OSBPL7: variants seen among roughly 807,000 people sequenced by gnomAD.
The protein encoded by OSBPL7 is oxysterol binding protein like 7.
OSBPL7 carries 66 observed loss-of-function variants against 115.8 expected under a neutral mutation model. The observed-to-expected ratio is 0.57, with a 90% CI of 0.47 to 0.70. The LOEUF is 0.70. Ranked by LOEUF, OSBPL7 falls within the 30% of genes least tolerant of loss-of-function variation. The pLI is 0.00. For missense variants in OSBPL7, 902 were observed against 1,125.5 expected, an observed-to-expected ratio of 0.80 and a Z score of 2.84; for synonymous variants, 441 against 439.2, an observed-to-expected ratio of 1.00 and a Z score of -0.05.
chr17:47,818,369 A>G lies in OSBPL7; in HGVS notation c.498T>C (p.Leu166=), dbSNP rs35328010. 5.9e-5 allele frequency: 95 copies of G among 1,613,826 alleles called. No individual in the cohort carries two copies. Among genetic ancestry groups the G allele is most frequent in the Non-Finnish European group, 5.8e-5 (69 of 1,179,914 alleles). The part of the protein sequence containing the change: ...TAHRKVPGAQ[L]PTAATASALP... The stretch of plus-strand genomic sequence containing the variant: ...GGGCTGAGGCAGTAGCTGCTGTTGG[A>G]AGCTGGGCACCAGGAACCTGTGGGG... Residue 166 remains leucine (L), a synonymous_variant, in exon 7 of 23, where the codon CTT becomes CTC. Coordinates refer to ENST00000007414, the MANE Select transcript of OSBPL7 (RefSeq NM_145798.3).
chr17:47,811,986 C>T (rs745517279), intron 16 of OSBPL7, among the ~76,000 whole-genome samples: 6 of 152,166 alleles, frequency 3.9e-5, no homozygotes, highest in South Asian at 2.1e-4. Context: ...TTCTGTTGTA[C>T]GCACGAGTGT....
chr17:47,813,149 C>T, intron 16 of OSBPL7, 117 bp downstream of exon 16: 2 of 1,399,184 alleles, frequency 1.4e-6, no homozygotes, highest in East Asian at 4.7e-5. Flanking sequence ...GGCACAGAGC[C>T]AACTGCCCAC....
At position 47,808,974 on chromosome 17, in the gene OSBPL7, G is replaced by A. The variant is rs1598010748; in HGVS notation, c.2187C>T (p.Asp729=). 1 of 1,614,030 alleles carries A rather than the reference G, an allele frequency of 6.2e-7. No homozygotes were observed. Among genetic ancestry groups the A allele is most frequent in the Non-Finnish European group, 8.5e-7 (1 of 1,180,036 alleles). Residue 729 remains aspartate, a synonymous_variant, in exon 21 of 23, where the codon GAC becomes GAT. Transcript: ENST00000007414. The surrounding 1 kb of genome is among the most constrained non-coding windows in gnomAD (Gnocchi z 6.1). ...GGGTGAAGCCGAAGTTTCGCTCATG[G>A]TCGGGGGGCATTGAGTCTGGGGGAA... ...CIWKPNSMPP[D]HERNFGFTQF...
intron 16 of OSBPL7, 127 bp downstream of exon 16, chr17:47,813,139 G>T (rs560615451): frequency 7.6e-7 from 1 of 1,310,864 alleles, no homozygotes; most frequent in South Asian, 1.4e-5. Flanking sequence ...CGCAGAGCCC[G>T]GCACAGAGCC....
chr17:47,810,868 C>T (rs745643622), intron 16 of OSBPL7, 33 bp from the exon 17 acceptor site: 2 of 1,603,978 alleles, frequency 1.2e-6, no homozygotes, highest in Admixed American at 3.4e-5. Flanking sequence ...TTGAGGCTGT[C>T]CCCGAGCACC....
intron 12 of OSBPL7, chr17:47,815,859 T>G (rs1255129047): frequency 7.0e-6 from 3 of 429,754 alleles, no homozygotes; most frequent in Admixed American, 4.0e-5. Context: ...GAGCCTCAGT[T>G]TTGTTATGCT....
At chr17:47,820,463 T>G in intron 1 of OSBPL7, 98 bp from the exon 2 acceptor site, 1 of 587,928 alleles carries the variant, frequency 1.7e-6, no homozygotes. Context: ...CTCCCCAACA[T>G]ACCCTCTGCT....
At chr17:47,817,588 A>G (rs945854796) in intron 7 of OSBPL7, among the ~76,000 whole-genome samples, 9 of 152,146 alleles carry the variant, frequency 5.9e-5, no homozygotes, top group African/African-American at 2.2e-4. Flanking sequence ...ATGGGGTTCC[A>G]CTATGTTGGT....
intron 1 of OSBPL7, among the ~76,000 whole-genome samples, chr17:47,821,226 C>T (rs732840): frequency 0.27 from 41,286 of 151,726 alleles, 6,948 homozygotes; most frequent in Non-Finnish European, 0.38. Context: ...ATGTGTGAGA[C>T]GGGGGAGGGG....
At chr17:47,810,914 A>C in intron 16 of OSBPL7, 79 bp from the exon 17 acceptor site, 1 of 1,371,468 alleles carries the variant, frequency 7.3e-7, no homozygotes, top group East Asian at 2.4e-5. Context: ...TCCCACCCCT[A>C]GTTCCCCTAA....
chr17:47,813,451 C>T, intron 15 of OSBPL7, 48 bp from the exon 16 acceptor site: 20 of 1,610,068 alleles, frequency 1.2e-5, no homozygotes, highest in Non-Finnish European at 1.7e-5. Context: ...GGGCCGCCAC[C>T]CCAAGCAAGC....
At position 47,808,271 on chromosome 17, in the gene OSBPL7, TCCTGC is replaced by T; in HGVS notation, c.*15_*19del. On this transcript the variant is annotated 3_prime_UTR_variant, in exon 23 of 23. Coordinates refer to ENST00000007414, the MANE Select transcript of OSBPL7 (RefSeq NM_145798.3). This position sits in a 1 kb window ranked among gnomAD's most constrained non-coding sequence, Gnocchi z 6.1. ...GCAGGAGGAGTGAGGAACCAGAGCC[TCCTGC>T]CCCCGGGGCCAGGGCTACCAGAGCA... 1 of 1,576,178 alleles carries T rather than the reference TCCTGC, an allele frequency of 6.3e-7. No homozygotes were observed. The highest frequency in any genetic ancestry group is 2.2e-5 in the East Asian group (1 of 44,676).
chr17:47,809,543 C>A, intron 18 of OSBPL7, 65 bp from the exon 19 acceptor site: 4 of 1,562,990 alleles, frequency 2.6e-6, no homozygotes, highest in South Asian at 1.2e-5. Flanking sequence ...TCAGGGGCCT[C>A]CTGTCTTGCT....
chr17:47,814,479 A>AGCCCCCCCCCCCCC, intron 14 of OSBPL7, 42 bp downstream of exon 14: 2 of 1,086,688 alleles, frequency 1.8e-6, no homozygotes, highest in Non-Finnish European at 1.4e-6. Flanking sequence ...CTGTTTTTCC[A>AGCCCCCCCCCCCCC]CCCGCCTCCC....
chr17:47,819,918 C>CCGTG, intron 3 of OSBPL7, 53 bp downstream of exon 3: 2 of 1,517,046 alleles, frequency 1.3e-6, no homozygotes, highest in Non-Finnish European at 1.8e-6. Flanking sequence ...AGCTGCCCCC[C>CCGTG]ATTCCCACCC....
At chr17:47,814,492 C>T in intron 14 of OSBPL7, 29 bp downstream of exon 14, 1 of 1,435,060 alleles carries the variant, frequency 7.0e-7, no homozygotes, top group Non-Finnish European at 9.8e-7. Context: ...CGCCTCCCAC[C>T]CCTCCCTGCC....
chr17:47,820,272 A>C lies in OSBPL7; in HGVS notation c.7T>G (p.Phe3Val). The C allele has an allele frequency of 6.2e-7, 1 of 1,613,616 alleles. No individual in the cohort carries two copies. The highest frequency in any genetic ancestry group is 8.5e-7 in the Non-Finnish European group (1 of 1,179,812). The change falls in exon 2 of 23, where the codon TTC (phenylalanine) becomes GTC (valine). Residue 3 changes from phenylalanine to valine, a missense_variant. Physicochemically the swap from Phe to Val is conservative, Grantham distance 50. Transcript: ENST00000007414. Reference sequence around the variant, plus strand: ...AGGAAGGGCGGGTCCCTCTCTTGGAAGTCCATGGAGAAGGGAGAGGCCACT... The same window carrying C: ...AGGAAGGGCGGGTCCCTCTCTTGGACGTCCATGGAGAAGGGAGAGGCCACT... MD[F>V]QERDPPFLPE...
chr17:47,817,060 C>T, intron 8 of OSBPL7, 188 bp from the exon 9 acceptor site: 5 of 719,128 alleles, frequency 7.0e-6, no homozygotes, highest in Non-Finnish European at 1.2e-5. Context: ...ATGACAGCCA[C>T]CCTGGCAGAG....
In OSBPL7 at chr17:47,813,604, C is replaced by T. The variant is rs773411224; in HGVS notation, c.1582G>A (p.Asp528Asn). 3.6e-5 allele frequency: 58 copies of T among 1,611,034 alleles called. No homozygotes were observed. The highest frequency in any genetic ancestry group is 4.2e-5 in the Non-Finnish European group (50 of 1,178,708). Reference sequence around the variant, plus strand: ...GCAGGTACCATGCGCTCGCAGGGGTCGGCGATGCGGCTGGCCTGGTCCAGG... The same window carrying T: ...GCAGGTACCATGCGCTCGCAGGGGTTGGCGATGCGGCTGGCCTGGTCCAGG... ...SLLDQASRIA[D>N]PCERMVYIAA... Residue 528 changes from aspartate (D) to asparagine (N), a missense_variant, in exon 15 of 23, where the codon GAC (aspartate) becomes AAC (asparagine). Coordinates refer to ENST00000007414, the MANE Select transcript of OSBPL7 (RefSeq NM_145798.3).
Sources: gnomAD v4.1 joint callset for allele counts (sites outside exome capture counted in the v4.1 genomes callset) on GRCh38, gnomAD v4.1.1 for gene constraint, Gnocchi (gnomAD v3.1) non-coding constraint, MANE v1.5 for transcripts, NCBI Gene and HGNC (gene_info 2026-07-23, HGNC 2026-07-21) for gene names.